MAP6: variants seen among roughly 807,000 people sequenced by gnomAD.
MAP6 encodes microtubule associated protein 6, also known as microtubule-associated protein 6.
Under a neutral mutation model 42.4 loss-of-function variants are expected in MAP6, and 26 were observed. That is an observed-to-expected ratio of 0.61 (90% CI 0.45 to 0.85). MAP6 has a LOEUF of 0.85. MAP6 is among the 40% of genes least tolerant of loss of function. The pLI is 0.00. For missense variants in MAP6, 966 were observed against 1,099.0 expected (o/e 0.88, Z 1.71); for synonymous variants, 418 against 443.8 (o/e 0.94, Z 0.73).
chr11:75,634,004 G>C (rs1590789295), intron 1 of MAP6, among the ~76,000 whole-genome samples: 1 of 152,178 alleles, frequency 6.6e-6, no homozygotes, highest in Admixed American at 6.5e-5. Context: ...GACACTAGCT[G>C]GGCAAGGAAG....
intron 1 of MAP6, among the ~76,000 whole-genome samples, chr11:75,663,011 G>A (rs1445131776): frequency 6.6e-6 from 1 of 151,198 alleles, no homozygotes; most frequent in African/African-American, 2.4e-5. Flanking sequence ...ACCCAGGCTG[G>A]AGGACAGTGG....
intron 3 of MAP6, chr11:75,596,719 A>G (rs1942584366): frequency 6.6e-6 from 1 of 152,326 alleles, no homozygotes. Context: ...ACACAGAAAC[A>G]CCAGCTAGGA....
intron 3 of MAP6, among the ~76,000 whole-genome samples, chr11:75,601,927 C>T (rs1188446695): frequency 2.0e-5 from 3 of 151,454 alleles, no homozygotes; most frequent in African/African-American, 7.3e-5. Context: ...TGAAGTCCTC[C>T]CTGATCCATG....
At chr11:75,607,638 G>A (rs1344983520) in intron 2 of MAP6, 47 of 985,316 alleles carry the variant, frequency 4.8e-5, no homozygotes, top group Non-Finnish European at 5.1e-5. Context: ...AGAGAGGGCA[G>A]GTGCTTTTCA....
At chr11:75,597,355 A>G (rs1222257324) in intron 3 of MAP6, 1 of 152,208 alleles carries the variant, frequency 6.6e-6, no homozygotes, top group Non-Finnish European at 1.5e-5. Flanking sequence ...TTATTTACCT[A>G]TTTATTTTTG....
intron 1 of MAP6, among the ~76,000 whole-genome samples, chr11:75,611,393 T>C (rs1201660352): frequency 6.6e-6 from 1 of 152,212 alleles, no homozygotes; most frequent in Admixed American, 6.5e-5. Context: ...CAGTGGCCCC[T>C]GTGGGCTGGG....
intron 1 of MAP6, among the ~76,000 whole-genome samples, chr11:75,654,405 A>G (rs1943701404): frequency 2.0e-5 from 3 of 152,220 alleles, no homozygotes; most frequent in Admixed American, 2.0e-4. Context: ...CCGTACAGGT[A>G]CACCCCTTCA....
intron 1 of MAP6, among the ~76,000 whole-genome samples, chr11:75,637,832 G>A (rs1943393160): frequency 7.4e-6 from 1 of 134,686 alleles, no homozygotes; most frequent in Non-Finnish European, 1.6e-5. Context: ...AGGGAGGGAA[G>A]TAGGAAGGAG....
At chr11:75,666,697 G>A (rs758104405) in intron 1 of MAP6, among the ~76,000 whole-genome samples, 2 of 152,062 alleles carry the variant, frequency 1.3e-5, no homozygotes. Context: ...GCATATAGTA[G>A]GCACTCAAAA....
At chr11:75,655,227 G>A (rs551511328) in intron 1 of MAP6, among the ~76,000 whole-genome samples, 11 of 152,266 alleles carry the variant, frequency 7.2e-5, no homozygotes, top group South Asian at 6.2e-4. Context: ...ATGGAATTAG[G>A]ATCAAATAAA....
intron 1 of MAP6, among the ~76,000 whole-genome samples, chr11:75,632,100 T>C (rs1190177363): frequency 6.6e-6 from 1 of 152,246 alleles, no homozygotes; most frequent in East Asian, 1.9e-4. Flanking sequence ...TGATTAGCTC[T>C]GTGACATTAG....
At chr11:75,658,142 TA>T (rs1943782930) in intron 1 of MAP6, among the ~76,000 whole-genome samples, 1 of 152,216 alleles carries the variant, frequency 6.6e-6, no homozygotes, top group African/African-American at 2.4e-5. Flanking sequence ...CATTCTTATA[TA>T]AGTCTTCTGC....
intron 1 of MAP6, among the ~76,000 whole-genome samples, chr11:75,633,514 G>C (rs1226612853): frequency 6.6e-6 from 1 of 152,210 alleles, no homozygotes; most frequent in African/African-American, 2.4e-5. Flanking sequence ...TTGGAGAGCA[G>C]TGACTTACAT....
At chr11:75,620,105 G>T (rs1943081090) in intron 1 of MAP6, among the ~76,000 whole-genome samples, 1 of 152,166 alleles carries the variant, frequency 6.6e-6, no homozygotes, top group African/African-American at 2.4e-5. Flanking sequence ...ATGCTTGATG[G>T]CTTCACTGGT....
At chr11:75,607,120 TG>T in intron 2 of MAP6, 1 of 591,248 alleles carries the variant, frequency 1.7e-6, no homozygotes, top group Non-Finnish European at 2.1e-6. Context: ...CCAATCGTCC[TG>T]GTTTGCCTGG....
chr11:75,628,507 G>T (rs1345278200), intron 1 of MAP6, among the ~76,000 whole-genome samples: 1 of 152,232 alleles, frequency 6.6e-6, no homozygotes, highest in Non-Finnish European at 1.5e-5. Context: ...CCCTGGAAAG[G>T]TGAGGAGCTG....
chr11:75,606,557 C>A (rs58467034), intron 2 of MAP6, among the ~76,000 whole-genome samples: 1,972 of 152,272 alleles, frequency 0.013, 58 homozygotes, highest in African/African-American at 0.046. Flanking sequence ...GAGAAATAAA[C>A]CTTTGTTGAT....
intron 1 of MAP6, among the ~76,000 whole-genome samples, chr11:75,647,347 C>CAAAAAAAAAAAAAAAAAAAAACCAAAA: frequency 2.3e-5 from 1 of 44,186 alleles, no homozygotes; most frequent in Admixed American, 2.9e-4. Flanking sequence ...CCCACCTGAT[C>CAAAAAAAAAAAAAAAAAAAAACCAAAA]AAAAAAAAAA....
chr11:75,605,603 GGA>G (rs1942748097), intron 3 of MAP6: 2 of 1,367,170 alleles, frequency 1.5e-6, no homozygotes, highest in African/African-American at 2.9e-5. Context: ...GCTGCCCTCA[GGA>G]GGAGGCCTGC....
Sources: gnomAD v4.1 joint callset for allele counts (sites outside exome capture counted in the v4.1 genomes callset) on GRCh38, gnomAD v4.1.1 for gene constraint, MANE v1.5 for transcripts, NCBI Gene and HGNC (gene_info 2026-07-23, HGNC 2026-07-21) for gene names.